Variants in PACRG observed in about 807,000 individuals in gnomAD.
The protein encoded by PACRG is parkin coregulated.
Under a neutral mutation model 29.7 loss-of-function variants are expected in PACRG, and 29 were observed. That is an observed-to-expected ratio of 0.98 (90% CI 0.73 to 1.33). The LOEUF is 1.33. Among genes scored for constraint, PACRG ranks in the 40% most tolerant of loss-of-function variants. The pLI, the probability that PACRG is intolerant of heterozygous loss-of-function variation, is 0.00. For missense variants in PACRG, 279 were observed against 316.2 expected (o/e 0.88, Z 0.89); for synonymous variants, 116 against 118.7 (o/e 0.98, Z 0.15).
At chr6:162,765,012 G>A (rs1782672972) in intron 1 of PACRG, among the ~76,000 whole-genome samples, 1 of 151,928 alleles carries the variant, frequency 6.6e-6, no homozygotes, top group East Asian at 1.9e-4. Flanking sequence ...CCAAAGTGCT[G>A]GGATTACAGG....
intron 4 of PACRG, among the ~76,000 whole-genome samples, chr6:163,129,068 T>TAACA (rs59208370): frequency 0.26 from 39,377 of 151,970 alleles, 5,187 homozygotes; most frequent in East Asian, 0.47. Flanking sequence ...GCTCAGGCTC[T>TAACA]AACAGTTTCT....
rs543536714 is a variant in PACRG at position 162,861,577 on chromosome 6, G to A, written c.291+47296G>A. 3.3e-5 allele frequency among the ~76,000 whole-genome samples: 5 copies of A among 152,254 alleles called. No homozygotes were observed. In the East Asian group the frequency reaches 9.7e-4, roughly 29 times the overall value. On this transcript the variant is annotated intron_variant, in intron 2 of 4. Coordinates refer to ENST00000366888, the MANE Select transcript of PACRG (RefSeq NM_001080379.2). The stretch of plus-strand genomic sequence containing the variant: ...TCAAAGCGAAAGCAACTGAGACCCT[G>A]AGTGAAGTCGTCAACACAAGGAGCA...
intron 4 of PACRG, among the ~76,000 whole-genome samples, chr6:163,145,398 C>T (rs1364279023): frequency 6.6e-6 from 1 of 152,216 alleles, no homozygotes; most frequent in Admixed American, 6.5e-5. Flanking sequence ...TTCCTGTCTA[C>T]ATCTTCCATC....
chr6:163,032,203 A>G (rs1455423976), intron 2 of PACRG, among the ~76,000 whole-genome samples: 2 of 152,256 alleles, frequency 1.3e-5, no homozygotes, highest in Non-Finnish European at 2.9e-5. Context: ...CTTGACTCTG[A>G]AAAGCAAAAC....
rs528767124 is a variant in PACRG at position 162,764,961 on chromosome 6, G to C, written c.156+36570G>C. 2.4e-3 allele frequency among the ~76,000 whole-genome samples: 370 copies of C among 151,884 alleles called. 4 individuals carry two copies. The highest frequency in any genetic ancestry group is 0.01 in the Middle Eastern group (3 of 292). On this transcript the variant is annotated intron_variant, in intron 1 of 4. Transcript: ENST00000366888. ...GGGTTTCACCATGTTGGTCAGGCTG[G>C]TCTTGAACCCCTGACCTCGTGATCT...
At chr6:163,166,271 C>A (rs969571211) in intron 4 of PACRG, 16 of 423,410 alleles carry the variant, frequency 3.8e-5, no homozygotes, top group Admixed American at 5.2e-5. Context: ...CCCTGCTCAA[C>A]AACAACAACA....
chr6:163,149,953 T>C (rs1179297617), intron 4 of PACRG, among the ~76,000 whole-genome samples: 1 of 152,228 alleles, frequency 6.6e-6, no homozygotes, highest in Non-Finnish European at 1.5e-5. Context: ...CCACTCTCCG[T>C]AGTTCACACA....
intron 2 of PACRG, among the ~76,000 whole-genome samples, chr6:162,827,158 T>C (rs1788355086): frequency 6.6e-6 from 1 of 152,198 alleles, no homozygotes; most frequent in South Asian, 2.1e-4. Context: ...TTATGAGAAG[T>C]GCTAGTGTAT....
At chr6:162,817,978 C>T (rs193190657) in intron 2 of PACRG, among the ~76,000 whole-genome samples, 101 of 152,014 alleles carry the variant, frequency 6.6e-4, no homozygotes, top group Admixed American at 4.4e-3. Flanking sequence ...TAAATCTCAT[C>T]TCGAATATGA....
At chr6:162,820,283 C>T (rs1486635009) in intron 2 of PACRG, among the ~76,000 whole-genome samples, 2 of 152,018 alleles carry the variant, frequency 1.3e-5, no homozygotes, top group East Asian at 3.8e-4. Flanking sequence ...AGTATTTCTT[C>T]TCTGGCATTT....
chr6:163,231,474 CTG>C (rs1782041540), intron 4 of PACRG, among the ~76,000 whole-genome samples: 3 of 152,180 alleles, frequency 2.0e-5, no homozygotes. Flanking sequence ...CCGGGCTGCT[CTG>C]ACCACAGTGA....
At chr6:162,874,166 A>ATG (rs1198030546) in intron 2 of PACRG, among the ~76,000 whole-genome samples, 11 of 148,476 alleles carry the variant, frequency 7.4e-5, no homozygotes, top group Non-Finnish European at 1.6e-4. Context: ...ATATATATAT[A>ATG]TGTATATATA....
At chr6:162,803,821 A>G (rs541186502) in intron 1 of PACRG, among the ~76,000 whole-genome samples, 5 of 152,268 alleles carry the variant, frequency 3.3e-5, no homozygotes, top group Admixed American at 2.6e-4. Context: ...AGAAAATAAT[A>G]TTATCAAGAT....
chr6:162,890,641 C>G (rs1012972122), intron 2 of PACRG, among the ~76,000 whole-genome samples: 6 of 152,198 alleles, frequency 3.9e-5, no homozygotes, highest in Non-Finnish European at 7.3e-5. Flanking sequence ...TTTGTACCAC[C>G]TCCTGCCAGA....
At chr6:163,290,541 C>T (rs1311173139) in intron 4 of PACRG, among the ~76,000 whole-genome samples, 1 of 152,170 alleles carries the variant, frequency 6.6e-6, no homozygotes. Flanking sequence ...CCTGGACCTG[C>T]GGCTGCCTCC....
chr6:163,098,527 A>T (rs1814806596), intron 4 of PACRG, among the ~76,000 whole-genome samples: 1 of 152,186 alleles, frequency 6.6e-6, no homozygotes, highest in Non-Finnish European at 1.5e-5. Context: ...GAGAGCCCAG[A>T]TGCCGGGTGA....
chr6:163,269,963 G>GA (rs1168900541), intron 4 of PACRG, among the ~76,000 whole-genome samples: 25 of 63,680 alleles, frequency 3.9e-4, no homozygotes, highest in Middle Eastern at 6.8e-3. Context: ...AAGAAAGAAA[G>GA]AAAGAAAGAA....
At chr6:163,041,922 A>C (rs1222719922) in intron 2 of PACRG, among the ~76,000 whole-genome samples, 1 of 152,048 alleles carries the variant, frequency 6.6e-6, no homozygotes, top group Non-Finnish European at 1.5e-5. Flanking sequence ...CTGGAGTGCA[A>C]TGGCATGATC....
intron 2 of PACRG, among the ~76,000 whole-genome samples, chr6:162,887,753 T>C (rs1305593863): frequency 3.3e-5 from 5 of 152,106 alleles, no homozygotes; most frequent in African/African-American, 4.8e-5. Context: ...TTGAGTTAGG[T>C]TGAGCCATCA....
Sources: gnomAD v4.1 joint callset for allele counts (sites outside exome capture counted in the v4.1 genomes callset) on GRCh38, gnomAD v4.1.1 for gene constraint, MANE v1.5 for transcripts, NCBI Gene and HGNC (gene_info 2026-07-23, HGNC 2026-07-21) for gene names.